INPP4B: variants seen among roughly 807,000 people sequenced by gnomAD.
INPP4B encodes the protein inositol polyphosphate 4-phosphatase type II.
In INPP4B, 55 loss-of-function variants were observed where a neutral mutation model predicts 122.5. That is an observed-to-expected ratio of 0.45 (90% CI 0.36 to 0.56). The LOEUF (loss-of-function observed/expected upper bound fraction) is 0.56, where lower values mean the gene tolerates loss of function less well. INPP4B is among the 20% of genes least tolerant of loss of function. The pLI is 0.00. For synonymous variants in INPP4B, 403 were observed against 388.7 expected (o/e 1.04, Z -0.43); for missense variants, 1,000 against 1,097.7 (o/e 0.91, Z 1.26).
At chr4:142,683,619 T>C (rs1241682032) in intron 2 of INPP4B, among the ~76,000 whole-genome samples, 1 of 151,640 alleles carries the variant, frequency 6.6e-6, no homozygotes, top group African/African-American at 2.4e-5. Context: ...CTTAAGTTTC[T>C]TAATAGGTTT....
At chr4:142,571,294 A>T (rs1363468825) in intron 2 of INPP4B, among the ~76,000 whole-genome samples, 1 of 152,044 alleles carries the variant, frequency 6.6e-6, no homozygotes, top group Non-Finnish European at 1.5e-5. Flanking sequence ...AGCAATTTAA[A>T]AAAATGTTTT....
At chr4:142,589,223 T>C (rs189552884) in intron 2 of INPP4B, among the ~76,000 whole-genome samples, 3 of 152,092 alleles carry the variant, frequency 2.0e-5, no homozygotes, top group East Asian at 1.9e-4. Flanking sequence ...CTATACTCGA[T>C]GTCCTTTTAT....
chr4:142,027,783 G>C lies in INPP4B; in HGVS notation c.*999C>G, dbSNP rs918321497. On this transcript the variant is annotated 3_prime_UTR_variant, in exon 26 of 26. Transcript: ENST00000262992. ...ATGTTATTTTGCTGAGTAAGGGCAA[G>C]GGCAAGTTTGATATTCAGGGCAACA... The C allele has an allele frequency of 1.2e-5, 2 of 160,264 alleles. No individual in the cohort carries two copies. The highest frequency in any genetic ancestry group is 6.5e-5 in the Admixed American group (1 of 15,462). 9.9% of individuals were successfully genotyped at this position (160,264 alleles called of 1,614,324 possible).
intron 1 of INPP4B, among the ~76,000 whole-genome samples, chr4:142,795,942 C>T (rs960026676): frequency 7.2e-5 from 11 of 151,882 alleles, no homozygotes; most frequent in South Asian, 2.1e-4. Context: ...TATATTTTCT[C>T]GCCTAATTTA....
chr4:142,550,176 T>C (rs78518695), intron 2 of INPP4B, among the ~76,000 whole-genome samples: 1 of 152,156 alleles, frequency 6.6e-6, no homozygotes, highest in Admixed American at 6.5e-5. Context: ...GTGGTGGTCA[T>C]AGGTCAGGTT....
intron 23 of INPP4B, among the ~76,000 whole-genome samples, chr4:142,089,838 G>A (rs893774285): frequency 5.9e-5 from 9 of 152,044 alleles, no homozygotes; most frequent in African/African-American, 1.9e-4. Flanking sequence ...TAAAACATTT[G>A]CAAAGCCCTG....
chr4:142,454,783 T>C (rs1005862064), intron 3 of INPP4B, among the ~76,000 whole-genome samples: 16 of 152,006 alleles, frequency 1.1e-4, no homozygotes, highest in Admixed American at 6.6e-4. Context: ...TTGGAGAGAA[T>C]TGAATTCATA....
intron 11 of INPP4B, among the ~76,000 whole-genome samples, chr4:142,240,850 A>C (rs1301413244): frequency 6.6e-6 from 1 of 152,188 alleles, no homozygotes; most frequent in Non-Finnish European, 1.5e-5. Context: ...TGCACTGGTT[A>C]CAAAAAGAGC....
chr4:142,599,759 G>A (rs1287353511), intron 2 of INPP4B, among the ~76,000 whole-genome samples: 2 of 151,814 alleles, frequency 1.3e-5, no homozygotes, highest in Admixed American at 6.6e-5. Flanking sequence ...ATAAAAAATT[G>A]TGAAAAATAA....
At chr4:142,254,564 C>G (rs1216841757) in intron 11 of INPP4B, among the ~76,000 whole-genome samples, 1 of 152,088 alleles carries the variant, frequency 6.6e-6, no homozygotes, top group African/African-American at 2.4e-5. Context: ...AATGCAGAAG[C>G]CTCATGAGCC....
At chr4:142,806,105 C>T (rs894349171) in intron 1 of INPP4B, among the ~76,000 whole-genome samples, 1 of 151,718 alleles carries the variant, frequency 6.6e-6, no homozygotes, top group African/African-American at 2.4e-5. Context: ...CGGTGAAACC[C>T]CGTCTGTACT....
At chr4:142,527,650 G>A (rs1413374477) in intron 2 of INPP4B, among the ~76,000 whole-genome samples, 1 of 151,926 alleles carries the variant, frequency 6.6e-6, no homozygotes, top group Non-Finnish European at 1.5e-5. Context: ...ATTTTACTAT[G>A]TTGTAACATA....
At chr4:142,827,165 T>C (rs1781552536) in intron 1 of INPP4B, among the ~76,000 whole-genome samples, 1 of 152,152 alleles carries the variant, frequency 6.6e-6, no homozygotes, top group Non-Finnish European at 1.5e-5. Flanking sequence ...CTTCATACTA[T>C]CCTCTGTGGG....
intron 2 of INPP4B, among the ~76,000 whole-genome samples, chr4:142,611,451 A>G (rs1742477112): frequency 6.6e-6 from 1 of 152,090 alleles, no homozygotes; most frequent in Non-Finnish European, 1.5e-5. Flanking sequence ...TTCAAGGAAA[A>G]GTAAGTAATG....
chr4:142,161,202 G>A (rs1044918956), intron 16 of INPP4B, among the ~76,000 whole-genome samples: 3 of 151,926 alleles, frequency 2.0e-5, no homozygotes, highest in Non-Finnish European at 4.4e-5. Flanking sequence ...TGTTAATGAG[G>A]TTACTGTGAA....
chr4:142,371,745 C>G (rs1789976477), intron 7 of INPP4B, among the ~76,000 whole-genome samples: 1 of 152,062 alleles, frequency 6.6e-6, no homozygotes, highest in Non-Finnish European at 1.5e-5. Context: ...CATCTCACCC[C>G]AGTGAGAATG....
chr4:142,290,213 T>G (rs1292670963), intron 9 of INPP4B, among the ~76,000 whole-genome samples: 2 of 134,586 alleles, frequency 1.5e-5, no homozygotes, highest in African/African-American at 5.6e-5. Flanking sequence ...TTTTTTTTTT[T>G]TTTTTTTTTT....
chr4:142,723,572 G>C (rs1009619084), intron 2 of INPP4B, among the ~76,000 whole-genome samples: 1 of 152,050 alleles, frequency 6.6e-6, no homozygotes, highest in African/African-American at 2.4e-5. Context: ...TTTTAAAAGA[G>C]TCAAATGTAG....
intron 2 of INPP4B, among the ~76,000 whole-genome samples, chr4:142,626,036 GA>G (rs1746308264): frequency 6.6e-6 from 1 of 152,108 alleles, no homozygotes. Context: ...AACCCTAGAA[GA>G]AAACCTAGGC....
Sources: allele counts gnomAD v4.1 joint callset (sites outside exome capture counted in the v4.1 genomes callset), GRCh38; gene constraint gnomAD v4.1.1; transcripts MANE v1.5; gene names NCBI Gene and HGNC (gene_info 2026-07-23, HGNC 2026-07-21).